Variants in FBXW11 observed in about 807,000 individuals in gnomAD.
The protein encoded by FBXW11 is F-box/WD repeat-containing protein 11.
In FBXW11, 19 loss-of-function variants were observed where a neutral mutation model predicts 77.6. The ratio of observed to expected loss-of-function variants is 0.24; its 90% CI spans 0.17 to 0.36. The LOEUF is 0.36. Among genes scored for constraint, FBXW11 ranks in the 10% least tolerant of loss-of-function variants. The pLI is 1.00. For missense variants in FBXW11, 334 were observed against 704.2 expected, an observed-to-expected ratio of 0.47 and a Z score of 5.95; for synonymous variants, 235 against 249.4, an observed-to-expected ratio of 0.94 and a Z score of 0.54.
chr5:171,966,679 A>G (rs1158232406), intron 1 of FBXW11, among the ~76,000 whole-genome samples: 1 of 152,204 alleles, frequency 6.6e-6, no homozygotes, highest in African/African-American at 2.4e-5. Flanking sequence ...CCTGGAGATA[A>G]TTTAACACCT....
At chr5:171,900,656 T>C (rs992026838) in intron 4 of FBXW11, among the ~76,000 whole-genome samples, 7 of 152,216 alleles carry the variant, frequency 4.6e-5, no homozygotes, top group Admixed American at 1.3e-4. Flanking sequence ...GAAAAACTTA[T>C]GAAAAGTTAA....
intron 2 of FBXW11, among the ~76,000 whole-genome samples, chr5:171,948,749 C>T (rs936118108): frequency 2.0e-5 from 3 of 152,108 alleles, no homozygotes; most frequent in Non-Finnish European, 1.5e-5. Context: ...ATTAAAAAGA[C>T]GTTTTTTAAT....
At chr5:171,882,221 C>T (rs1758559580) in intron 7 of FBXW11, among the ~76,000 whole-genome samples, 1 of 152,202 alleles carries the variant, frequency 6.6e-6, no homozygotes, top group South Asian at 2.1e-4. Context: ...TAAGCTTTCA[C>T]TGCATCCCAC....
At chr5:171,957,498 T>C (rs771179354) in intron 2 of FBXW11, 99 bp downstream of exon 2, 88 of 1,110,682 alleles carry the variant, frequency 7.9e-5, no homozygotes, top group Middle Eastern at 6.0e-4. Flanking sequence ...ACAGAACATT[T>C]AGCAGACTTA....
At chr5:171,943,738 C>T (rs1366030701) in intron 2 of FBXW11, among the ~76,000 whole-genome samples, 2 of 152,146 alleles carry the variant, frequency 1.3e-5, no homozygotes, top group South Asian at 4.1e-4. Flanking sequence ...CGTGAGCCAC[C>T]GGGCATGGCC....
Position 171,862,521 on chromosome 5 carries a change from A to G in FBXW11, c.*1606T>C, listed in dbSNP as rs1757152925. 6.5e-6 allele frequency: 1 copy of G among 152,682 alleles called. No individual in the cohort carries two copies. Among genetic ancestry groups the G allele is most frequent in the Non-Finnish European group, 1.5e-5 (1 of 68,054 alleles). 9.5% of individuals were successfully genotyped at this position (152,682 alleles called of 1,614,324 possible). A position where few individuals can be genotyped will look rare whatever the true frequency, so the allele number is the denominator to read the frequency against. ...TTATTGGTCCTTTAAAATGTTATTG[A>G]CATTCCTTGATCTTTGGAAACAATG... On this transcript the variant is annotated 3_prime_UTR_variant, in exon 14 of 14. Transcript: ENST00000517395.
chr5:171,965,550 AG>A, intron 1 of FBXW11, among the ~76,000 whole-genome samples: 1 of 151,364 alleles, frequency 6.6e-6, no homozygotes, highest in South Asian at 2.1e-4. Flanking sequence ...AAAAAAAAAA[AG>A]ATATCAGTAC....
chr5:171,977,613 G>C (rs763265209), intron 1 of FBXW11: 3 of 451,356 alleles, frequency 6.6e-6, no homozygotes, highest in South Asian at 4.7e-5. Context: ...AGTTACAAAA[G>C]AAAGAAGTTT....
chr5:171,973,139 C>T (rs1388493921), intron 1 of FBXW11, among the ~76,000 whole-genome samples: 1 of 151,996 alleles, frequency 6.6e-6, no homozygotes, highest in African/African-American at 2.4e-5. Context: ...TTAATTGAGG[C>T]AAAAACACAC....
chr5:171,897,014 G>A (rs1156837053), intron 6 of FBXW11, among the ~76,000 whole-genome samples: 4 of 152,102 alleles, frequency 2.6e-5, no homozygotes, highest in Non-Finnish European at 4.4e-5. Context: ...GGTAGCAGTG[G>A]TCTATTGTTA....
chr5:171,951,828 T>A (rs566411806), intron 2 of FBXW11, among the ~76,000 whole-genome samples: 1 of 152,290 alleles, frequency 6.6e-6, no homozygotes, highest in East Asian at 1.9e-4. Flanking sequence ...CATGAAACAG[T>A]GGTTTGTAAA....
chr5:171,922,821 G>A (rs769185136), intron 2 of FBXW11, among the ~76,000 whole-genome samples: 34 of 152,156 alleles, frequency 2.2e-4, no homozygotes, highest in Non-Finnish European at 3.7e-4. Flanking sequence ...GACATTATAC[G>A]ACAAGAAATG....
chr5:171,887,997 C>T (rs926679598), intron 7 of FBXW11, among the ~76,000 whole-genome samples: 3 of 152,248 alleles, frequency 2.0e-5, no homozygotes, highest in African/African-American at 7.2e-5. Flanking sequence ...TGCTCAAAGG[C>T]AGGCCCTTGA....
At chr5:171,986,754 T>C (rs1173427055) in intron 1 of FBXW11, among the ~76,000 whole-genome samples, 1 of 151,192 alleles carries the variant, frequency 6.6e-6, no homozygotes, top group Non-Finnish European at 1.5e-5. Flanking sequence ...AAAATCCGTG[T>C]GGACCACATA....
chr5:171,924,659 G>A (rs1479661016), intron 2 of FBXW11, among the ~76,000 whole-genome samples: 2 of 152,090 alleles, frequency 1.3e-5, no homozygotes, highest in African/African-American at 2.4e-5. Context: ...CAGCAGCCCC[G>A]CATGACAGGA....
At chr5:171,951,011 C>A (rs1763284377) in intron 2 of FBXW11, among the ~76,000 whole-genome samples, 1 of 151,974 alleles carries the variant, frequency 6.6e-6, no homozygotes. Flanking sequence ...AAAATGTTAA[C>A]ATTCGTTTCT....
intron 1 of FBXW11, among the ~76,000 whole-genome samples, chr5:171,967,881 T>TAC (rs1284088153): frequency 2.8e-3 from 179 of 64,918 alleles, no homozygotes; most frequent in African/African-American, 5.5e-3. Flanking sequence ...TATATATATA[T>TAC]ATACACACAC....
chr5:171,888,790 C>A lies in FBXW11; in HGVS notation c.852+2677G>T, dbSNP rs149929289. 5.9e-5 allele frequency among the ~76,000 whole-genome samples: 9 copies of A among 152,278 alleles called. No homozygotes were observed. The East Asian group carries it at 1.5e-3, about 26-fold the overall frequency. On this transcript the variant is annotated intron_variant, in intron 7 of 13. Transcript: ENST00000517395. ...TGTTAAGCACCTACTCTATACTCCA[C>A]AGGATAAAGATAAACGTGCTTGAGG...
chr5:171,965,054 A>T (rs1764109652), intron 1 of FBXW11, among the ~76,000 whole-genome samples: 2 of 152,238 alleles, frequency 1.3e-5, no homozygotes, highest in Non-Finnish European at 2.9e-5. Context: ...AAAAAAAATA[A>T]GGATGAGAAG....
Sources: allele counts gnomAD v4.1 joint callset (sites outside exome capture counted in the v4.1 genomes callset), GRCh38; gene constraint gnomAD v4.1.1; transcripts MANE v1.5; gene names NCBI Gene and HGNC (gene_info 2026-07-23, HGNC 2026-07-21).